The following PRKAR2B variants were observed in gnomAD, a reference collection of about 807,000 sequenced individuals.
PRKAR2B encodes cAMP-dependent protein kinase type II-beta regulatory subunit.
In PRKAR2B, 14 loss-of-function variants were observed where a neutral mutation model predicts 49.9. That is an observed-to-expected ratio of 0.28 (90% confidence interval 0.19 to 0.44). The LOEUF (loss-of-function observed/expected upper bound fraction) is 0.44. Among genes scored for constraint, PRKAR2B ranks in the 20% least tolerant of loss-of-function variants. PRKAR2B has a pLI of 1.00. For missense variants in PRKAR2B, 393 were observed against 537.9 expected, an observed-to-expected ratio of 0.73 and a Z score of 2.67; for synonymous variants, 196 against 197.7, an observed-to-expected ratio of 0.99 and a Z score of 0.07.
intron 2 of PRKAR2B, among the ~76,000 whole-genome samples, chr7:107,088,036 T>G (rs1208623897): frequency 6.6e-6 from 1 of 152,170 alleles, no homozygotes; most frequent in Non-Finnish European, 1.5e-5. Flanking sequence ...TACTAAACAT[T>G]CATTGATTTA....
chr7:107,093,246 C>T (rs1385492701), intron 2 of PRKAR2B, among the ~76,000 whole-genome samples: 1 of 152,118 alleles, frequency 6.6e-6, no homozygotes, highest in Non-Finnish European at 1.5e-5. Flanking sequence ...CAGAAGTGGA[C>T]TTGTTGAATC....
chr7:107,129,089 G>C (rs1313225120), intron 4 of PRKAR2B: 1 of 152,126 alleles, frequency 6.6e-6, no homozygotes, highest in Non-Finnish European at 1.5e-5. Flanking sequence ...TGATGCCCTA[G>C]AGGAGAAGCA....
At chr7:107,078,724 ATTG>A (rs1258781590) in intron 2 of PRKAR2B, among the ~76,000 whole-genome samples, 2 of 152,168 alleles carry the variant, frequency 1.3e-5, no homozygotes, top group Non-Finnish European at 2.9e-5. Context: ...AATCTGTGGC[ATTG>A]TTGAGTCTCT....
intron 2 of PRKAR2B, among the ~76,000 whole-genome samples, chr7:107,087,655 C>T (rs1251996512): frequency 6.6e-6 from 1 of 152,174 alleles, no homozygotes; most frequent in Non-Finnish European, 1.5e-5. Flanking sequence ...GGCATTCTCT[C>T]TGTAATCCCA....
At chr7:107,106,845 G>A (rs796325995) in intron 2 of PRKAR2B, among the ~76,000 whole-genome samples, 1 of 152,038 alleles carries the variant, frequency 6.6e-6, no homozygotes, top group African/African-American at 2.4e-5. Flanking sequence ...AGGTGGAGTG[G>A]CTAGAAGGAG....
intron 2 of PRKAR2B, among the ~76,000 whole-genome samples, chr7:107,115,751 A>G (rs1203778309): frequency 6.6e-6 from 1 of 152,138 alleles, no homozygotes; most frequent in African/African-American, 2.4e-5. Flanking sequence ...GTATTCACAA[A>G]ATTCTGGTTT....
intron 3 of PRKAR2B, among the ~76,000 whole-genome samples, chr7:107,123,515 C>T (rs527476243): frequency 6.6e-6 from 1 of 152,302 alleles, no homozygotes; most frequent in African/African-American, 2.4e-5. Flanking sequence ...GCCTGGCAGG[C>T]AGGAGCCAGC....
intron 4 of PRKAR2B, 23 bp from the exon 5 acceptor site, chr7:107,140,824 T>C (rs756919340): frequency 3.9e-5 from 59 of 1,525,382 alleles, no homozygotes; most frequent in Non-Finnish European, 5.0e-5. Context: ...ATAAAGATTA[T>C]ATCCCATCTT....
intron 2 of PRKAR2B, among the ~76,000 whole-genome samples, chr7:107,102,696 A>T (rs1177829084): frequency 6.6e-6 from 1 of 152,188 alleles, no homozygotes; most frequent in African/African-American, 2.4e-5. Flanking sequence ...TTTGAGACAG[A>T]GCCTCGCTCT....
chr7:107,159,509 A>C lies in PRKAR2B; in HGVS notation c.1184A>C (p.Asn395Thr). 1 of 1,614,152 alleles carries C rather than the reference A, an allele frequency of 6.2e-7. No individual in the cohort carries two copies. Residue 395 changes from asparagine (N) to threonine (T), a missense_variant, in exon 11 of 11, where the codon AAC becomes ACC. Transcript: ENST00000265717. ...LGPCMEIMKR[N>T]IATYEEQLVA... ...CCTTGCATGGAAATTATGAAAAGGAACATCGCTACCTATGAAGAACAGTTA... is the reference window on the plus strand; with the variant it reads ...CCTTGCATGGAAATTATGAAAAGGACCATCGCTACCTATGAAGAACAGTTA...
intron 7 of PRKAR2B, 37 bp downstream of exon 7, chr7:107,151,060 T>G (rs755241632): frequency 7.9e-7 from 1 of 1,262,582 alleles, no homozygotes; most frequent in South Asian, 1.7e-5. Flanking sequence ...TATTTTGCTT[T>G]AAAAGTTTCT....
At chr7:107,058,539 T>C (rs1263557885) in intron 1 of PRKAR2B, among the ~76,000 whole-genome samples, 4 of 152,198 alleles carry the variant, frequency 2.6e-5, no homozygotes, top group Non-Finnish European at 5.9e-5. Context: ...TCTTTTGAGA[T>C]CTTTGTTTTT....
intron 1 of PRKAR2B, among the ~76,000 whole-genome samples, chr7:107,066,040 T>C (rs769861620): frequency 6.6e-6 from 1 of 152,120 alleles, no homozygotes; most frequent in Non-Finnish European, 1.5e-5. Flanking sequence ...ACAGAAGATA[T>C]CTCTGGTTAT....
rs868817913 is a variant in PRKAR2B, at chr7:107,159,516, T to TAC, written c.1192_1193dup (p.Tyr399ProfsTer6). The TAC allele has an allele frequency of 6.2e-7, 1 of 1,614,092 alleles. No homozygotes were observed. The highest frequency in any genetic ancestry group is 1.3e-5 in the African/African-American group (1 of 75,054). Reference sequence around the variant, plus strand: ...TGGAAATTATGAAAAGGAACATCGCTACCTATGAAGAACAGTTAGTTGCCC... The same window carrying TAC: ...TGGAAATTATGAAAAGGAACATCGCTACACCTATGAAGAACAGTTAGTTGCCC... On this transcript the variant is annotated frameshift_variant, in exon 11 of 11. Transcript: ENST00000265717. LOFTEE classifies it high-confidence loss of function.
At chr7:107,097,782 T>TG (rs1794873848) in intron 2 of PRKAR2B, among the ~76,000 whole-genome samples, 1 of 152,326 alleles carries the variant, frequency 6.6e-6, no homozygotes, top group Non-Finnish European at 1.5e-5. Flanking sequence ...TTAGTTTGGC[T>TG]GGATATGAAA....
At chr7:107,111,869 C>G (rs71566713) in intron 2 of PRKAR2B, among the ~76,000 whole-genome samples, 1 of 151,708 alleles carries the variant, frequency 6.6e-6, no homozygotes, top group Admixed American at 6.6e-5. Flanking sequence ...AAAGTCTATT[C>G]TAAACTCTGC....
At chr7:107,159,322 A>G (rs2115687717) in intron 10 of PRKAR2B, 127 bp from the exon 11 acceptor site, 1 of 991,338 alleles carries the variant, frequency 1.0e-6, no homozygotes, top group East Asian at 2.6e-5. Flanking sequence ...TTTTTCTTGT[A>G]TTTTATAGTA....
intron 2 of PRKAR2B, among the ~76,000 whole-genome samples, chr7:107,111,845 C>T (rs1795178873): frequency 6.6e-6 from 1 of 151,364 alleles, no homozygotes; most frequent in South Asian, 2.1e-4. Flanking sequence ...AGAATTTCAC[C>T]AGTAGTATGT....
At chr7:107,089,062 G>C (rs1043986742) in intron 2 of PRKAR2B, among the ~76,000 whole-genome samples, 7 of 151,624 alleles carry the variant, frequency 4.6e-5, no homozygotes, top group Admixed American at 6.6e-5. Flanking sequence ...TCTGCTACTC[G>C]GTAGGCTGAG....
Sources: allele counts gnomAD v4.1 joint callset (sites outside exome capture counted in the v4.1 genomes callset), GRCh38; gene constraint gnomAD v4.1.1; transcripts MANE v1.5; gene names NCBI Gene and HGNC (gene_info 2026-07-23, HGNC 2026-07-21).